Variants in PIP5K1B observed in about 807,000 individuals in gnomAD.
The protein encoded by PIP5K1B is phosphatidylinositol-4-phosphate 5-kinase type 1 beta, also known as phosphatidylinositol 4-phosphate 5-kinase type-1 beta.
A neutral mutation model predicts 67.0 loss-of-function variants in PIP5K1B; 42 were observed. That is an observed-to-expected ratio of 0.63 (90% CI 0.49 to 0.81). The LOEUF (loss-of-function observed/expected upper bound fraction) is 0.81, where lower values mean the gene tolerates loss of function less well. Ranked by LOEUF, PIP5K1B falls within the 30% of genes least tolerant of loss-of-function variation. The pLI is 0.00. For synonymous variants in PIP5K1B, 214 were observed against 231.4 expected (o/e 0.92, Z 0.68); for missense variants, 459 against 646.3 (o/e 0.71, Z 3.14).
At chr9:68,706,761 A>C (rs1022744777) in intron 1 of PIP5K1B, among the ~76,000 whole-genome samples, 1 of 152,100 alleles carries the variant, frequency 6.6e-6, no homozygotes, top group African/African-American at 2.4e-5. Context: ...AATCTCGTGC[A>C]AGGAAGAAGC....
intron 3 of PIP5K1B, among the ~76,000 whole-genome samples, chr9:68,821,695 AGTATG>A (rs1833739663): frequency 6.6e-6 from 1 of 152,248 alleles, no homozygotes; most frequent in African/African-American, 2.4e-5. Context: ...TTAATACCCT[AGTATG>A]CCCTAGCAGT....
At chr9:68,750,146 A>G (rs901237421) in intron 2 of PIP5K1B, among the ~76,000 whole-genome samples, 4 of 152,212 alleles carry the variant, frequency 2.6e-5, no homozygotes, top group African/African-American at 7.2e-5. Context: ...CTGCCATGCT[A>G]CTTTGTCACA....
intron 2 of PIP5K1B, among the ~76,000 whole-genome samples, chr9:68,743,752 A>G (rs929074171): frequency 6.6e-6 from 1 of 152,160 alleles, no homozygotes; most frequent in African/African-American, 2.4e-5. Flanking sequence ...ACTGCCCTGC[A>G]TGTTAAGATT....
intron 2 of PIP5K1B, among the ~76,000 whole-genome samples, chr9:68,744,956 C>T (rs1829212927): frequency 6.6e-6 from 1 of 152,158 alleles, no homozygotes; most frequent in African/African-American, 2.4e-5. Context: ...TAATATATAG[C>T]CCTGTACATA....
intron 2 of PIP5K1B, among the ~76,000 whole-genome samples, chr9:68,793,541 A>G (rs1226848466): frequency 6.6e-6 from 1 of 152,186 alleles, no homozygotes; most frequent in Non-Finnish European, 1.5e-5. Context: ...AGGTGGGCAT[A>G]AGAGAGAAGT....
chr9:68,847,413 TTGTGTGTGTGTGTGTGTGTGTG>T lies in PIP5K1B; in HGVS notation c.70-16394_70-16373del, dbSNP rs777818994. On this transcript the variant is annotated intron_variant, in intron 4 of 15. Transcript: ENST00000265382. ...TAAATCAGCAACAACAGCAGTGGTTTTGTGTGTGTGTGTGTGTGTGTGTGTGTGTGTGTGTGTGTGTGTGTGT... is the reference window on the plus strand; with the variant it reads ...TAAATCAGCAACAACAGCAGTGGTTTTGTGTGTGTGTGTGTGTGTGTGTGT... Among the ~76,000 whole-genome samples the T allele has an allele frequency of 6.9e-5, 7 of 101,616 alleles. 1 individual carries two copies. Among genetic ancestry groups the T allele is most frequent in the Non-Finnish European group, 9.6e-5 (5 of 51,856 alleles). The allele number at this position is 101,616 out of a possible 152,430, so 66.7% of individuals were successfully genotyped here. A position where few individuals can be genotyped will look rare whatever the true frequency, so the allele number is the denominator to read the frequency against.
intron 4 of PIP5K1B, among the ~76,000 whole-genome samples, chr9:68,842,669 A>G (rs1821975882): frequency 6.6e-6 from 1 of 152,192 alleles, no homozygotes. Context: ...TACTGTCTGC[A>G]GGTATTTTTG....
intron 8 of PIP5K1B, among the ~76,000 whole-genome samples, chr9:68,901,283 G>A (rs1825339140): frequency 6.6e-6 from 1 of 152,094 alleles, no homozygotes; most frequent in South Asian, 2.1e-4. Context: ...TTTTTGAAAT[G>A]AAGTCTCACT....
At chr9:68,931,587 A>G (rs1826999800) in intron 12 of PIP5K1B, among the ~76,000 whole-genome samples, 2 of 152,254 alleles carry the variant, frequency 1.3e-5, no homozygotes, top group Non-Finnish European at 2.9e-5. Flanking sequence ...AGAGAAAAAG[A>G]TATTTCAACT....
chr9:68,890,661 A>AT (rs986185385), intron 7 of PIP5K1B, among the ~76,000 whole-genome samples: 7 of 150,332 alleles, frequency 4.7e-5, no homozygotes, highest in South Asian at 2.1e-4. Context: ...CTGAGCAATT[A>AT]TTTTTTTTTG....
chr9:68,793,719 T>C (rs1265233091), intron 2 of PIP5K1B, among the ~76,000 whole-genome samples: 1 of 152,112 alleles, frequency 6.6e-6, no homozygotes, highest in Admixed American at 6.5e-5. Flanking sequence ...CGTTAAGCAA[T>C]CTTTATTAGA....
chr9:68,706,901 G>C (rs1827151220), intron 1 of PIP5K1B, among the ~76,000 whole-genome samples: 1 of 152,022 alleles, frequency 6.6e-6, no homozygotes, highest in Admixed American at 6.5e-5. Context: ...TGTTGGAGTG[G>C]AGAAAGGCGA....
intron 15 of PIP5K1B, among the ~76,000 whole-genome samples, chr9:68,998,155 C>A (rs918912376): frequency 2.6e-5 from 4 of 151,676 alleles, no homozygotes; most frequent in African/African-American, 9.7e-5. Context: ...ACTGCAACCT[C>A]CACCTTCCAG....
chr9:68,793,397 T>G lies in PIP5K1B; in HGVS notation c.-85-25064T>G, dbSNP rs1197367853. 2.0e-5 allele frequency among the ~76,000 whole-genome samples: 3 copies of G among 152,038 alleles called. No individual in the cohort carries two copies. In the East Asian group the frequency reaches 5.8e-4, roughly 29 times the overall value. On this transcript the variant is annotated intron_variant, in intron 2 of 15. Coordinates refer to ENST00000265382, the MANE Select transcript of PIP5K1B (RefSeq NM_003558.4). ...GCGTGGTAGAGGCAGGGGGACCAATTAGGAGGCTATCCAGCAATCCAGGTA... is the reference window on the plus strand; with the variant it reads ...GCGTGGTAGAGGCAGGGGGACCAATGAGGAGGCTATCCAGCAATCCAGGTA...
chr9:68,795,766 T>C (rs1832256443), intron 2 of PIP5K1B, among the ~76,000 whole-genome samples: 1 of 152,200 alleles, frequency 6.6e-6, no homozygotes, highest in Non-Finnish European at 1.5e-5. Context: ...CATGAAAATT[T>C]CTGGGTTTCT....
At chr9:68,837,266 A>G (rs1050455928) in intron 4 of PIP5K1B, among the ~76,000 whole-genome samples, 6 of 152,192 alleles carry the variant, frequency 3.9e-5, no homozygotes, top group African/African-American at 1.4e-4. Context: ...TGTGCATTTT[A>G]GCACTTTACT....
chr9:68,780,986 G>T, intron 2 of PIP5K1B: 1 of 1,614,050 alleles, frequency 6.2e-7, no homozygotes, highest in Non-Finnish European at 8.5e-7. Flanking sequence ...CTGCCCAAGC[G>T]GCTTCTCCAT....
chr9:68,800,409 A>G (rs1023705217), intron 2 of PIP5K1B, among the ~76,000 whole-genome samples: 2 of 152,216 alleles, frequency 1.3e-5, no homozygotes, highest in African/African-American at 4.8e-5. Flanking sequence ...TGAGTAATCC[A>G]GTTTTCCTTG....
intron 11 of PIP5K1B, among the ~76,000 whole-genome samples, chr9:68,921,230 G>A (rs138974302): frequency 0.01 from 1,585 of 152,074 alleles, 29 homozygotes; most frequent in African/African-American, 0.036. Context: ...AGAGACTGGG[G>A]CAGGATGATC....
Sources: allele counts gnomAD v4.1 joint callset (sites outside exome capture counted in the v4.1 genomes callset), GRCh38; gene constraint gnomAD v4.1.1; transcripts MANE v1.5; gene names NCBI Gene and HGNC (gene_info 2026-07-23, HGNC 2026-07-21).